The following NMS variants were observed in gnomAD, a reference collection of about 807,000 sequenced individuals.
The protein encoded by NMS is neuromedin S, also known as neuromedin-S.
Under a neutral mutation model 32.2 loss-of-function variants are expected in NMS, and 30 were observed. The ratio of observed to expected loss-of-function variants is 0.93; its 90% CI spans 0.70 to 1.26. NMS has a LOEUF of 1.26. Among genes scored for constraint, NMS ranks in the 50% most tolerant of loss-of-function variants. The pLI is 0.00. For missense variants in NMS, 190 were observed against 186.3 expected (o/e 1.02, Z -0.12); for synonymous variants, 76 against 58.5 (o/e 1.30, Z -1.37).
At chr2:100,473,433 T>G in intron 2 of NMS, 56 bp from the exon 3 acceptor site, 1 of 1,000,306 alleles carries the variant, frequency 1.0e-6, no homozygotes, top group Non-Finnish European at 1.5e-6. Context: ...CATTAATCAA[T>G]CTCTCTCTTC....
intron 8 of NMS, among the ~76,000 whole-genome samples, chr2:100,482,017 G>A (rs1342310542): frequency 2.0e-5 from 3 of 152,176 alleles, no homozygotes; most frequent in Non-Finnish European, 4.4e-5. Flanking sequence ...CACCACATAA[G>A]CAAAGACTAA....
intron 3 of NMS, 94 bp downstream of exon 3, chr2:100,473,633 G>A (rs1677048895): frequency 2.9e-6 from 1 of 350,368 alleles, no homozygotes; most frequent in Non-Finnish European, 5.0e-6. Flanking sequence ...CTGTATGTAT[G>A]TGCATGCTTA....
chr2:100,483,124 G>A, intron 9 of NMS, 128 bp from the exon 10 acceptor site: 1 of 772,702 alleles, frequency 1.3e-6, no homozygotes, highest in South Asian at 1.8e-5. Context: ...AAAGCAACCT[G>A]GGCATTTATG....
intron 2 of NMS, among the ~76,000 whole-genome samples, chr2:100,473,058 A>G (rs1436033154): frequency 6.6e-6 from 1 of 152,226 alleles, no homozygotes; most frequent in Non-Finnish European, 1.5e-5. Context: ...TGTGAGGTTC[A>G]GAAATAGGAC....
chr2:100,480,968 G>A (rs1677206008), intron 7 of NMS, among the ~76,000 whole-genome samples, 158 bp from the exon 8 acceptor site: 1 of 152,210 alleles, frequency 6.6e-6, no homozygotes, highest in South Asian at 2.1e-4. Context: ...CAGTGGGTCT[G>A]GATTGGGGCA....
chr2:100,475,797 C>T (rs1280765210), intron 3 of NMS, among the ~76,000 whole-genome samples: 2 of 151,760 alleles, frequency 1.3e-5, no homozygotes, highest in Non-Finnish European at 2.9e-5. Flanking sequence ...GTCAGGAGTT[C>T]GAGACCAGCT....
At position 100,477,232 on chromosome 2, in the gene NMS, T is replaced by C. The variant is rs1677127860; in HGVS notation, c.184-12T>C. 1 of 1,612,690 alleles carries C rather than the reference T, an allele frequency of 6.2e-7. No homozygotes were observed. The highest frequency in any genetic ancestry group is 8.5e-7 in the Non-Finnish European group (1 of 1,178,802). ...AATTTCATCTAACTTACCCTCACAA[T>C]TCTCTTTCCAGGATAATCAAGACAT... is the stretch of plus-strand genomic sequence containing the variant. On this transcript the variant is annotated splice_polypyrimidine_tract_variant and intron_variant, in intron 3 of 9. Coordinates refer to ENST00000376865, the MANE Select transcript of NMS (RefSeq NM_001011717.1).
rs764812258 is a variant in NMS at position 100,479,332 on chromosome 2, C to T, written c.262-21C>T. 145 of 1,597,054 alleles carry T rather than the reference C, an allele frequency of 9.1e-5. No individual in the cohort carries two copies. In the East Asian group the frequency reaches 3.3e-3, roughly 36 times the overall value. The stretch of plus-strand genomic sequence containing the variant: ...TGTGGATGTCCCCCTGTCTGACCCT[C>T]TCCGCGCCTGTCTGTTGCAGTTTCC... On this transcript the variant is annotated intron_variant, in intron 5 of 9. Coordinates refer to ENST00000376865, the MANE Select transcript of NMS (RefSeq NM_001011717.1).
chr2:100,480,211 T>C (rs561610127), intron 6 of NMS, among the ~76,000 whole-genome samples: 145 of 152,354 alleles, frequency 9.5e-4, no homozygotes, highest in African/African-American at 3.2e-3. Context: ...AGCTTTGCAA[T>C]GTGCCCATTT....
intron 7 of NMS, 77 bp downstream of exon 7, chr2:100,480,608 C>T (rs1677200229): frequency 2.0e-6 from 3 of 1,468,858 alleles, no homozygotes. Flanking sequence ...TTGGAGCCAG[C>T]CACCCTGCAG....
Position 100,470,506 on chromosome 2 carries a change from C to T in NMS, c.18C>T (p.Pro6=), listed in dbSNP as rs763313825. Residue 6 remains proline, a synonymous_variant, in exon 1 of 10, where the codon CCC becomes CCT. Coordinates refer to ENST00000376865, the MANE Select transcript of NMS (RefSeq NM_001011717.1). MKHLR[P]QFPLILAIYC... ...CTCTCACAATGAAACATCTTCGTCC[C>T]CAGTTCCCTCTCATCTTGGCCATCT... The T allele has an allele frequency of 4.3e-6, 7 of 1,613,730 alleles. No homozygotes were observed. Among genetic ancestry groups the T allele is most frequent in the Non-Finnish European group, 5.9e-6 (7 of 1,179,816 alleles).
At chr2:100,476,088 ATCT>A (rs1477705511) in intron 3 of NMS, among the ~76,000 whole-genome samples, 1 of 152,154 alleles carries the variant, frequency 6.6e-6, no homozygotes, top group Admixed American at 6.5e-5. Context: ...CAGGAAAAGC[ATCT>A]TCACATTCCT....
At chr2:100,473,997 G>A (rs1182457072) in intron 3 of NMS, among the ~76,000 whole-genome samples, 4 of 152,014 alleles carry the variant, frequency 2.6e-5, no homozygotes, top group Non-Finnish European at 5.9e-5. Context: ...GGCCAACAAG[G>A]TGAAACCATG....
At chr2:100,473,434 C>A in intron 2 of NMS, 55 bp from the exon 3 acceptor site, 1 of 1,010,426 alleles carries the variant, frequency 9.9e-7, no homozygotes, top group South Asian at 2.0e-5. Flanking sequence ...ATTAATCAAT[C>A]TCTCTCTTCA....
In NMS at chr2:100,477,420, T is replaced by C. The variant is rs1677133394; in HGVS notation, c.261+6T>C. ...CACATCCAGTTAAAACTGGGGTCAGTATTTTATTATAATCATCTGTCTGTA... is the reference window on the plus strand; with the variant it reads ...CACATCCAGTTAAAACTGGGGTCAGCATTTTATTATAATCATCTGTCTGTA... On this transcript the variant is annotated splice_donor_region_variant and intron_variant, in intron 5 of 9. Transcript: ENST00000376865. The C allele has an allele frequency of 1.9e-6, 3 of 1,605,606 alleles. No individual in the cohort carries two copies. In the East Asian group the frequency reaches 6.7e-5, roughly 36 times the overall value.
At chr2:100,476,592 G>T (rs980719466) in intron 3 of NMS, among the ~76,000 whole-genome samples, 1 of 152,200 alleles carries the variant, frequency 6.6e-6, no homozygotes, top group Non-Finnish European at 1.5e-5. Flanking sequence ...GTACGAACCA[G>T]ATCAGAAGAT....
At chr2:100,482,128 G>A in intron 8 of NMS, 149 bp from the exon 9 acceptor site, 2 of 747,472 alleles carry the variant, frequency 2.7e-6, no homozygotes, top group Non-Finnish European at 2.3e-6. Flanking sequence ...CACAGGGCGA[G>A]GGCTTCCCAG....
chr2:100,480,621 C>T, intron 7 of NMS, 90 bp downstream of exon 7: 1 of 1,316,600 alleles, frequency 7.6e-7, no homozygotes, highest in Non-Finnish European at 1.1e-6. Flanking sequence ...CCCTGCAGCC[C>T]CTCCAGACCA....
chr2:100,470,789 G>A (rs1295040238), intron 1 of NMS, among the ~76,000 whole-genome samples: 1 of 152,228 alleles, frequency 6.6e-6, no homozygotes, highest in East Asian at 1.9e-4. Flanking sequence ...CTGTCTTTAA[G>A]CTGCTCCTGC....
Sources: allele counts gnomAD v4.1 joint callset (sites outside exome capture counted in the v4.1 genomes callset), GRCh38; gene constraint gnomAD v4.1.1; transcripts MANE v1.5; gene names NCBI Gene and HGNC (gene_info 2026-07-23, HGNC 2026-07-21).